Variants in SORCS1 observed in about 807,000 individuals in gnomAD.
SORCS1 encodes VPS10 domain-containing receptor SorCS1.
Under a neutral mutation model 146.1 loss-of-function variants are expected in SORCS1, and 60 were observed. That is an observed-to-expected ratio of 0.41 (90% CI 0.33 to 0.51). The LOEUF is 0.51. Ranked by LOEUF, SORCS1 falls within the 20% of genes least tolerant of loss-of-function variation. SORCS1 has a pLI of 0.21. For synonymous variants in SORCS1, 637 were observed against 584.0 expected (o/e 1.09, Z -1.31); for missense variants, 1,352 against 1,487.6 (o/e 0.91, Z 1.50).
At chr10:106,899,734 AG>A (rs1564789412) in intron 2 of SORCS1, among the ~76,000 whole-genome samples, 1 of 151,938 alleles carries the variant, frequency 6.6e-6, no homozygotes, top group Admixed American at 6.6e-5. Context: ...ATGACTCCCA[AG>A]GGCTTTCAAG....
chr10:106,685,207 C>T (rs564105498), intron 10 of SORCS1, among the ~76,000 whole-genome samples: 2 of 152,104 alleles, frequency 1.3e-5, no homozygotes, highest in South Asian at 4.1e-4. Flanking sequence ...CATTAAAATC[C>T]AAACGCGAAA....
At chr10:106,757,736 T>A (rs1858760856) in intron 5 of SORCS1, among the ~76,000 whole-genome samples, 1 of 152,166 alleles carries the variant, frequency 6.6e-6, no homozygotes, top group Non-Finnish European at 1.5e-5. Flanking sequence ...TGGGCTAGAT[T>A]TCCAGGGCTC....
chr10:106,626,232 G>T (rs1848104113), intron 19 of SORCS1, among the ~76,000 whole-genome samples: 1 of 152,118 alleles, frequency 6.6e-6, no homozygotes, highest in Admixed American at 6.5e-5. Flanking sequence ...GGACAGGCTT[G>T]GTGAGCTAAG....
intron 2 of SORCS1, among the ~76,000 whole-genome samples, chr10:106,867,287 A>AT (rs57311191): frequency 0.053 from 7,694 of 144,826 alleles, 462 homozygotes; most frequent in African/African-American, 0.14. Context: ...CTTATATTAA[A>AT]TTTTTTTTTT....
chr10:106,586,840 T>A (rs2133239297), intron 24 of SORCS1, among the ~76,000 whole-genome samples: 1 of 152,254 alleles, frequency 6.6e-6, no homozygotes, highest in Non-Finnish European at 1.5e-5. Context: ...CCTGTAGTCC[T>A]AGCTACTCGA....
chr10:106,912,591 T>C (rs772384816), intron 2 of SORCS1, among the ~76,000 whole-genome samples: 2 of 152,218 alleles, frequency 1.3e-5, no homozygotes, highest in Non-Finnish European at 2.9e-5. Context: ...TCTGCCCTGA[T>C]TGCAAAACAA....
rs1473323633 is a variant in SORCS1, at chr10:106,588,697, T to TA, written c.3265+8653dup. On this transcript the variant is annotated intron_variant, in intron 24 of 25. Coordinates refer to ENST00000263054, the MANE Select transcript of SORCS1 (RefSeq NM_052918.5). ...CAACACGGTGAAACCCCATCTCTAC[T>TA]AAAAATACAAAAAATTAGCCGGGCG... 9.7e-4 allele frequency among the ~76,000 whole-genome samples: 147 copies of TA among 150,916 alleles called. 2 individuals are homozygous for TA. The highest frequency in any genetic ancestry group is 3.3e-3 in the African/African-American group (135 of 41,158).
intron 1 of SORCS1, among the ~76,000 whole-genome samples, chr10:106,973,723 C>T (rs922968691): frequency 5.3e-5 from 8 of 152,194 alleles, no homozygotes; most frequent in Admixed American, 3.3e-4. Context: ...AAATAAAATG[C>T]CCCACAGGCT....
chr10:106,928,969 G>T (rs1350941478), intron 2 of SORCS1, among the ~76,000 whole-genome samples: 1 of 150,600 alleles, frequency 6.6e-6, no homozygotes, highest in Non-Finnish European at 1.5e-5. Context: ...AATTTTATAG[G>T]AAAAATAGAA....
intron 3 of SORCS1, among the ~76,000 whole-genome samples, chr10:106,821,979 C>G (rs772063409): frequency 6.6e-6 from 1 of 151,390 alleles, no homozygotes; most frequent in Non-Finnish European, 1.5e-5. Flanking sequence ...CAGTAAACCA[C>G]CTCTGAGAAC....
chr10:106,642,652 C>T (rs1439431775), intron 18 of SORCS1, among the ~76,000 whole-genome samples: 3 of 152,032 alleles, frequency 2.0e-5, no homozygotes, highest in Non-Finnish European at 4.4e-5. Context: ...TATACCCAAG[C>T]CTCTGAAGAA....
chr10:106,743,232 G>T (rs1257969632), intron 5 of SORCS1, among the ~76,000 whole-genome samples: 1 of 151,932 alleles, frequency 6.6e-6, no homozygotes, highest in Admixed American at 6.6e-5. Flanking sequence ...AATGAGAAGG[G>T]CAAATGAAGG....
rs1554914449 is a variant in SORCS1, at chr10:106,733,107, C to CAG, written c.960-2994_960-2993insCT. 1.2e-3 allele frequency among the ~76,000 whole-genome samples: 128 copies of CAG among 111,212 alleles called. 2 individuals are homozygous for CAG. The highest frequency in any genetic ancestry group is 4.1e-3 in the African/African-American group (117 of 28,224). 73.0% of individuals were successfully genotyped at this position (111,212 alleles called of 152,430 possible). On this transcript the variant is annotated intron_variant, in intron 5 of 25. Coordinates refer to ENST00000263054, the MANE Select transcript of SORCS1 (RefSeq NM_052918.5). ...TGGGCGACAAAGTGATACTCCATTT[C>CAG]AAAAAAAAGAAAAGAAAAGAAAAGA...
chr10:107,038,794 A>G (rs2133976997), intron 1 of SORCS1, among the ~76,000 whole-genome samples: 1 of 152,298 alleles, frequency 6.6e-6, no homozygotes, highest in East Asian at 1.9e-4. Flanking sequence ...TAGATTAGCA[A>G]CAATTAGTTC....
At chr10:106,909,104 T>A (rs1037898481) in intron 2 of SORCS1, among the ~76,000 whole-genome samples, 6 of 152,192 alleles carry the variant, frequency 3.9e-5, no homozygotes, top group African/African-American at 1.4e-4. Flanking sequence ...CTCTCCACCC[T>A]TCTCCTTCAC....
chr10:107,168,975 T>G (rs1296712559), upstream of SORCS1, among the ~76,000 whole-genome samples: 1 of 152,316 alleles, frequency 6.6e-6, no homozygotes, highest in East Asian at 1.9e-4. Context: ...TTTTTTAGGC[T>G]GAGGGGAATA....
rs1052222054 is a variant in SORCS1 at position 106,996,074 on chromosome 10, T to C, written c.559-39494A>G. Among the ~76,000 whole-genome samples, 6 of 151,964 alleles carry C rather than the reference T, an allele frequency of 3.9e-5. No homozygotes were observed. In the East Asian group the frequency reaches 1.2e-3, roughly 29 times the overall value. The stretch of plus-strand genomic sequence containing the variant: ...GGCCAAGACGGTGAAATCCTGTCTC[T>C]ACTAAAAATACAAAAATTAGCCAGG... On this transcript the variant is annotated intron_variant, in intron 1 of 25. Coordinates refer to ENST00000263054, the MANE Select transcript of SORCS1 (RefSeq NM_052918.5).
chr10:106,888,239 A>G (rs939218647), intron 2 of SORCS1, among the ~76,000 whole-genome samples: 2 of 152,256 alleles, frequency 1.3e-5, no homozygotes, highest in African/African-American at 4.8e-5. Context: ...TTGGCCCAAT[A>G]CAGAAGTTAA....
intron 21 of SORCS1, among the ~76,000 whole-genome samples, chr10:106,613,998 C>G (rs529832007): frequency 6.6e-6 from 1 of 152,160 alleles, no homozygotes; most frequent in African/African-American, 2.4e-5. Context: ...TCCCATGCAC[C>G]CTTCATCACT....
Sources: allele counts gnomAD v4.1 joint callset (sites outside exome capture counted in the v4.1 genomes callset), GRCh38; gene constraint gnomAD v4.1.1; transcripts MANE v1.5; gene names NCBI Gene and HGNC (gene_info 2026-07-23, HGNC 2026-07-21).